The following MINDY3 variants were observed in gnomAD, a reference collection of about 807,000 sequenced individuals.
The protein encoded by MINDY3 is MINDY lysine 48 deubiquitinase 3, also known as ubiquitin carboxyl-terminal hydrolase MINDY-3.
MINDY3 carries 38 observed loss-of-function variants against 69.2 expected under a neutral mutation model. The observed-to-expected ratio is 0.55, with a 90% CI of 0.42 to 0.72. The LOEUF (loss-of-function observed/expected upper bound fraction) is 0.72. Ranked by LOEUF, MINDY3 falls within the 30% of genes least tolerant of loss-of-function variation. The pLI is 0.00. For synonymous variants in MINDY3, 192 were observed against 180.1 expected, an observed-to-expected ratio of 1.07 and a Z score of -0.53; for missense variants, 522 against 519.0, an observed-to-expected ratio of 1.01 and a Z score of -0.06.
intron 10 of MINDY3, among the ~76,000 whole-genome samples, chr10:15,800,687 G>C (rs773041134): frequency 6.6e-6 from 1 of 152,128 alleles, no homozygotes; most frequent in Non-Finnish European, 1.5e-5. Context: ...AAGTGGAATT[G>C]CTTGATATGC....
chr10:15,843,852 A>G (rs1301247322), intron 2 of MINDY3, among the ~76,000 whole-genome samples: 3 of 152,132 alleles, frequency 2.0e-5, no homozygotes, highest in Non-Finnish European at 2.9e-5. Context: ...AAAGCTGCAC[A>G]GTGAAGTGTC....
chr10:15,838,777 A>G (rs1370734122), intron 4 of MINDY3, among the ~76,000 whole-genome samples: 2 of 151,714 alleles, frequency 1.3e-5, no homozygotes, highest in African/African-American at 2.4e-5. Context: ...TTCCTCATTT[A>G]TTTGTATAAC....
intron 8 of MINDY3, among the ~76,000 whole-genome samples, chr10:15,830,097 T>C (rs147043555): frequency 2.6e-5 from 4 of 152,294 alleles, no homozygotes; most frequent in African/African-American, 9.6e-5. Flanking sequence ...CAAATAAAGC[T>C]TGTTGAATAA....
chr10:15,854,310 G>A (rs1447097413), intron 1 of MINDY3, among the ~76,000 whole-genome samples: 1 of 152,100 alleles, frequency 6.6e-6, no homozygotes, highest in Non-Finnish European at 1.5e-5. Context: ...TTGCATATGT[G>A]AGGCCAGATT....
At chr10:15,855,658 T>C (rs961511619) in intron 1 of MINDY3, among the ~76,000 whole-genome samples, 1 of 152,134 alleles carries the variant, frequency 6.6e-6, no homozygotes, top group African/African-American at 2.4e-5. Flanking sequence ...TTACTTACTA[T>C]ACATATACAC....
At chr10:15,828,981 G>T (rs1187585795) in intron 8 of MINDY3, among the ~76,000 whole-genome samples, 1 of 152,188 alleles carries the variant, frequency 6.6e-6, no homozygotes, top group African/African-American at 2.4e-5. Flanking sequence ...TTGCCTTGAA[G>T]GGTTGTTGTA....
In MINDY3 at chr10:15,819,247, C is replaced by T. The variant is rs377063659; in HGVS notation, c.802-2332G>A. Reference sequence around the variant, plus strand: ...TACAAAATTAACACAAGCTCAATGACTTCCTTAATGCCATTCCTCCAAGCA... The same window carrying T: ...TACAAAATTAACACAAGCTCAATGATTTCCTTAATGCCATTCCTCCAAGCA... On this transcript the variant is annotated intron_variant, in intron 9 of 14. Coordinates refer to ENST00000277632, the MANE Select transcript of MINDY3 (RefSeq NM_024948.4). Among the ~76,000 whole-genome samples, 67 of 152,300 alleles carry T rather than the reference C, an allele frequency of 4.4e-4. 1 individual carries two copies. In the South Asian group the frequency reaches 0.01, roughly 23 times the overall value.
chr10:15,845,595 G>A (rs1165621909), intron 2 of MINDY3, among the ~76,000 whole-genome samples: 5 of 151,930 alleles, frequency 3.3e-5, no homozygotes, highest in East Asian at 1.9e-4. Context: ...GAACTCCTGA[G>A]CTCAAAGACC....
In MINDY3 at chr10:15,816,884, G is replaced by C. The variant is rs1839409201; in HGVS notation, c.833C>G (p.Pro278Arg). The C allele has an allele frequency of 6.2e-7, 1 of 1,612,954 alleles. No individual in the cohort carries two copies. Reference protein sequence around the residue: ...VGSYLKSPKFPIWIVGSETHL... With the variant: ...VGSYLKSPKFRIWIVGSETHL... ...AGTCTCACTGCCAACAATCCAAATA[G>C]GGAATTTTGGAGATTTCAAGTAAGA... Residue 278 changes from proline to arginine, a missense_variant, in exon 10 of 15, where the codon CCT (proline) becomes CGT (arginine). Physicochemically the swap from Pro to Arg is moderately radical, Grantham distance 103 (BLOSUM62 -2). Transcript: ENST00000277632.
At position 15,790,451 on chromosome 10, in the gene MINDY3, C is replaced by T. The variant is rs566822320; in HGVS notation, c.956-1132G>A. ...TAATTTGAGGTACTGAGAATAAAGA[C>T]GACCTTGGTTGAAGGCACTTGTGAA... On this transcript the variant is annotated intron_variant, in intron 11 of 14. Transcript: ENST00000277632. 1.2e-4 allele frequency among the ~76,000 whole-genome samples: 18 copies of T among 152,116 alleles called. No homozygotes were observed. In the South Asian group the frequency reaches 3.5e-3, roughly 30 times the overall value.
chr10:15,816,862 C>A lies in MINDY3; in HGVS notation c.855G>T (p.Glu285Asp), dbSNP rs1839406653. Residue 285 changes from glutamate (E) to aspartate (D), a missense_variant, in exon 10 of 15, where the codon GAG (glutamate) becomes GAT (aspartate). Transcript: ENST00000277632. The stretch of plus-strand genomic sequence containing the variant: ...TGGCAAAAAATACGGTGAGGTGAGT[C>A]TCACTGCCAACAATCCAAATAGGGA... ...PKFPIWIVGSETHLTVFFAKD... is the reference protein window; with the variant it reads ...PKFPIWIVGSDTHLTVFFAKD... 6.2e-7 allele frequency: 1 copy of A among 1,613,252 alleles called. No homozygotes were observed. Among genetic ancestry groups the A allele is most frequent in the Admixed American group, 1.7e-5 (1 of 59,956 alleles).
chr10:15,843,365 T>A, intron 2 of MINDY3, 93 bp from the exon 3 acceptor site: 1 of 1,009,256 alleles, frequency 9.9e-7, no homozygotes, highest in South Asian at 1.3e-5. Context: ...TAATGTGTAC[T>A]CCCTTTCTAA....
At chr10:15,786,432 A>G (rs563686327) in intron 13 of MINDY3, 129 bp downstream of exon 13, 4 of 650,428 alleles carry the variant, frequency 6.1e-6, no homozygotes, top group African/African-American at 3.6e-5. Flanking sequence ...GAAGGTTTCC[A>G]TGTAACGGTG....
chr10:15,831,972 G>A (rs905368884), intron 8 of MINDY3, among the ~76,000 whole-genome samples: 4 of 152,088 alleles, frequency 2.6e-5, no homozygotes, highest in Admixed American at 6.5e-5. Flanking sequence ...CACCGTGCCC[G>A]GACATGGAGC....
At chr10:15,798,447 G>C (rs1838000072) in intron 10 of MINDY3, among the ~76,000 whole-genome samples, 1 of 149,730 alleles carries the variant, frequency 6.7e-6, no homozygotes, top group African/African-American at 2.5e-5. Context: ...CTGATGCCTT[G>C]TCTCTAAGTG....
chr10:15,791,375 C>T lies in MINDY3; in HGVS notation c.956-2056G>A, dbSNP rs556368096. Among the ~76,000 whole-genome samples the T allele has an allele frequency of 4.6e-5, 7 of 151,816 alleles. No homozygotes were observed. In the South Asian group the frequency reaches 1.5e-3, roughly 32 times the overall value. The stretch of plus-strand genomic sequence containing the variant: ...CCTAGAGAATAAGGAAACAGAGGCA[C>T]AAAGATGAAAAGACAACCTCAAAGT... On this transcript the variant is annotated intron_variant, in intron 11 of 14. Coordinates refer to ENST00000277632, the MANE Select transcript of MINDY3 (RefSeq NM_024948.4).
intron 10 of MINDY3, among the ~76,000 whole-genome samples, chr10:15,801,120 GAAGA>G (rs1457870884): frequency 2.0e-5 from 3 of 152,140 alleles, no homozygotes; most frequent in Non-Finnish European, 4.4e-5. Flanking sequence ...AAATCTTTGA[GAAGA>G]AAGAATATCT....
intron 12 of MINDY3, among the ~76,000 whole-genome samples, chr10:15,787,515 CTTCTCTCCTTT>C (rs1042982559): frequency 2.6e-5 from 4 of 152,176 alleles, no homozygotes; most frequent in African/African-American, 9.6e-5. Flanking sequence ...TCAGGGGCAA[CTTCTCTCCTTT>C]CAGTTTGCCT....
chr10:15,778,937 G>C lies in MINDY3; in HGVS notation c.*55C>G. 2.0e-6 allele frequency: 3 copies of C among 1,526,940 alleles called. No homozygotes were observed. The highest frequency in any genetic ancestry group is 2.4e-5 in the South Asian group (2 of 83,098). The allele number at this position is 1,526,940 out of a possible 1,614,324, so 94.6% of individuals were successfully genotyped here. Reference sequence around the variant, plus strand: ...CTTAATCCAGCCAATTGCCAGTCTTGACTCCTTCTTTCAACATCTGTTATT... The same window carrying C: ...CTTAATCCAGCCAATTGCCAGTCTTCACTCCTTCTTTCAACATCTGTTATT... On this transcript the variant is annotated 3_prime_UTR_variant, in exon 15 of 15. Coordinates refer to ENST00000277632, the MANE Select transcript of MINDY3 (RefSeq NM_024948.4).
Sources: allele counts gnomAD v4.1 joint callset (sites outside exome capture counted in the v4.1 genomes callset), GRCh38; gene constraint gnomAD v4.1.1; transcripts MANE v1.5; gene names NCBI Gene and HGNC (gene_info 2026-07-23, HGNC 2026-07-21).